The following UNC80 variants were observed in gnomAD, a reference collection of about 807,000 sequenced individuals.
UNC80 encodes the protein protein unc-80 homolog.
Under a neutral mutation model 384.6 loss-of-function variants are expected in UNC80, and 164 were observed. The ratio of observed to expected loss-of-function variants is 0.43; its 90% CI spans 0.38 to 0.49. The LOEUF is 0.49. UNC80 is among the 20% of genes least tolerant of loss of function. The pLI is 0.00. For synonymous variants in UNC80, 1,486 were observed against 1,527.8 expected, an observed-to-expected ratio of 0.97 and a Z score of 0.64; for missense variants, 3,330 against 4,143.0, an observed-to-expected ratio of 0.80 and a Z score of 5.39.
intron 22 of UNC80, among the ~76,000 whole-genome samples, chr2:209,864,113 G>C (rs1341282217): frequency 6.6e-6 from 1 of 151,734 alleles, no homozygotes; most frequent in Non-Finnish European, 1.5e-5. Flanking sequence ...CCTCTGTAGA[G>C]CTGCTGCAGT....
intron 41 of UNC80, 58 bp downstream of exon 41, chr2:209,936,991 C>G: frequency 8.3e-7 from 1 of 1,205,118 alleles, no homozygotes; most frequent in Non-Finnish European, 1.2e-6. Context: ...TCATGCCTAC[C>G]TGAGGGTGGC....
intron 21 of UNC80, 148 bp downstream of exon 21, chr2:209,842,594 G>T (rs2081847450): frequency 3.2e-6 from 2 of 632,014 alleles, no homozygotes; most frequent in Non-Finnish European, 5.4e-6. Flanking sequence ...TATAGCTTCT[G>T]TTTTTGCAAT....
chr2:209,969,638 A>T, intron 52 of UNC80, 130 bp from the exon 53 acceptor site: 1 of 1,310,990 alleles, frequency 7.6e-7, no homozygotes, highest in Non-Finnish European at 1.0e-6. Context: ...TGCTTTTGGA[A>T]CAATATGGGT....
rs144634808 is a variant in UNC80, at chr2:209,809,317, C to T, written c.939-4263C>T. The T allele has an allele frequency of 2.8e-4, 217 of 769,034 alleles. No homozygotes were observed. The East Asian group carries it at 5.0e-3, about 18-fold the overall frequency. 47.6% of individuals were successfully genotyped at this position (769,034 alleles called of 1,614,324 possible). A position where few individuals can be genotyped will look rare whatever the true frequency, so the allele number is the denominator to read the frequency against. On this transcript the variant is annotated intron_variant, in intron 7 of 64. Coordinates refer to ENST00000673920, the MANE Select transcript of UNC80 (RefSeq NM_001371986.1). Reference sequence around the variant, plus strand: ...CAAGAAACACATCCGAAGCCACACGCTGCCCTTCGCCTGCGAAACCTGCGG... The same window carrying T: ...CAAGAAACACATCCGAAGCCACACGTTGCCCTTCGCCTGCGAAACCTGCGG...
At chr2:209,818,099 T>C (rs558921866) in intron 11 of UNC80, 147 bp downstream of exon 11, 1 of 973,032 alleles carries the variant, frequency 1.0e-6, no homozygotes, top group African/African-American at 1.6e-5. Context: ...TGTTAGCCAT[T>C]CTTAGCATAT....
intron 29 of UNC80, among the ~76,000 whole-genome samples, chr2:209,911,700 C>T (rs1271833469): frequency 6.6e-6 from 1 of 152,110 alleles, no homozygotes; most frequent in Non-Finnish European, 1.5e-5. Flanking sequence ...ACTGGAAAAA[C>T]AAATGAGCAT....
intron 4 of UNC80, among the ~76,000 whole-genome samples, chr2:209,783,983 A>G (rs1439596709): frequency 6.6e-6 from 1 of 152,154 alleles, no homozygotes; most frequent in Non-Finnish European, 1.5e-5. Flanking sequence ...TCTCTAGCTT[A>G]ATGTTCAACA....
At chr2:209,808,553 G>A (rs1029272740) in intron 7 of UNC80, among the ~76,000 whole-genome samples, 84 of 151,778 alleles carry the variant, frequency 5.5e-4, no homozygotes, top group African/African-American at 2.0e-3. Flanking sequence ...AGTAAGGCGG[G>A]CCCAGGCTGC....
chr2:209,777,154 G>T, intron 3 of UNC80, 104 bp from the exon 4 acceptor site: 1 of 1,291,446 alleles, frequency 7.7e-7, no homozygotes, highest in Non-Finnish European at 1.1e-6. Flanking sequence ...GTGGTTGTAA[G>T]AAGTATAGAG....
chr2:209,990,708 T>C (rs575585878), intron 61 of UNC80, among the ~76,000 whole-genome samples: 12 of 152,182 alleles, frequency 7.9e-5, no homozygotes, highest in Non-Finnish European at 1.6e-4. Flanking sequence ...ATTGTTCCTT[T>C]GGGGTAATTT....
intron 29 of UNC80, among the ~76,000 whole-genome samples, chr2:209,909,969 C>T (rs539861241): frequency 5.9e-5 from 9 of 151,590 alleles, no homozygotes; most frequent in African/African-American, 1.9e-4. Flanking sequence ...AGAATTTATC[C>T]CTAATCTCTA....
chr2:209,897,373 T>C lies in UNC80; in HGVS notation c.4581+960T>C, dbSNP rs377174803. 5.9e-5 allele frequency among the ~76,000 whole-genome samples: 9 copies of C among 152,324 alleles called. No homozygotes were observed. In the East Asian group the frequency reaches 9.7e-4, roughly 16 times the overall value. Reference sequence around the variant, plus strand: ...CCTGACGGTAACCACTGTTCTACCTTCTAACACCATAGATTCATTTTGTCT... The same window carrying C: ...CCTGACGGTAACCACTGTTCTACCTCCTAACACCATAGATTCATTTTGTCT... On this transcript the variant is annotated intron_variant, in intron 28 of 64. Coordinates refer to ENST00000673920, the MANE Select transcript of UNC80 (RefSeq NM_001371986.1).
intron 22 of UNC80, among the ~76,000 whole-genome samples, chr2:209,856,613 T>A (rs1434638620): frequency 6.6e-6 from 1 of 152,012 alleles, no homozygotes; most frequent in East Asian, 1.9e-4. Context: ...TTTTCTTTAT[T>A]TTCTTTCATT....
At chr2:209,779,038 C>T (rs946349954) in intron 4 of UNC80, among the ~76,000 whole-genome samples, 6 of 152,192 alleles carry the variant, frequency 3.9e-5, no homozygotes, top group African/African-American at 1.2e-4. Flanking sequence ...CCACATTGCC[C>T]ATCAAACATA....
intron 7 of UNC80, among the ~76,000 whole-genome samples, chr2:209,811,467 T>A (rs1411944518): frequency 1.3e-5 from 2 of 152,108 alleles, no homozygotes; most frequent in East Asian, 3.9e-4. Flanking sequence ...TGATGAGAGA[T>A]GTTAGTGGCT....
intron 22 of UNC80, among the ~76,000 whole-genome samples, chr2:209,851,784 T>C (rs541525069): frequency 1.3e-5 from 2 of 152,198 alleles, no homozygotes. Flanking sequence ...TAGGCAGGAC[T>C]ACAAAGTCAG....
At chr2:209,816,299 G>T (rs982655590) in intron 9 of UNC80, among the ~76,000 whole-genome samples, 3 of 152,184 alleles carry the variant, frequency 2.0e-5, no homozygotes, top group Non-Finnish European at 4.4e-5. Flanking sequence ...TTCCCTAGCA[G>T]TTCTAAACTT....
At chr2:209,939,753 A>C (rs1323555128) in intron 43 of UNC80, 101 bp downstream of exon 43, 3 of 1,136,964 alleles carry the variant, frequency 2.6e-6, no homozygotes, top group Non-Finnish European at 3.6e-6. Flanking sequence ...TTTAGGGTAC[A>C]TGTGCTCAAC....
chr2:209,899,248 C>T (rs1032474240), intron 28 of UNC80, among the ~76,000 whole-genome samples: 1 of 152,150 alleles, frequency 6.6e-6, no homozygotes, highest in Non-Finnish European at 1.5e-5. Flanking sequence ...TGTCATTATA[C>T]ATTTGTTAAA....
Sources: allele counts gnomAD v4.1 joint callset (sites outside exome capture counted in the v4.1 genomes callset), GRCh38; gene constraint gnomAD v4.1.1; transcripts MANE v1.5; gene names NCBI Gene and HGNC (gene_info 2026-07-23, HGNC 2026-07-21).